COL19A1: variants seen among roughly 807,000 people sequenced by gnomAD.
COL19A1 encodes the protein collagen alpha-1(XIX) chain.
A neutral mutation model predicts 190.2 loss-of-function variants in COL19A1; 159 were observed. That is an observed-to-expected ratio of 0.84 (90% CI 0.73 to 0.95). COL19A1 has a LOEUF of 0.95. Among genes scored for constraint, COL19A1 ranks in the 40% least tolerant of loss-of-function variants. The pLI, the probability that COL19A1 is intolerant of heterozygous loss-of-function variation, is 0.00. For synonymous variants in COL19A1, 509 were observed against 458.9 expected (o/e 1.11, Z -1.39); for missense variants, 1,418 against 1,431.9 (o/e 0.99, Z 0.16).
intron 46 of COL19A1, among the ~76,000 whole-genome samples, chr6:70,186,716 T>C (rs1319380301): frequency 1.3e-5 from 2 of 152,168 alleles, no homozygotes; most frequent in Non-Finnish European, 2.9e-5. Flanking sequence ...ATGATCTCTC[T>C]CTCTCTCTCT....
chr6:69,955,522 A>AGTGTGTGTGT (rs60501043), intron 9 of COL19A1, among the ~76,000 whole-genome samples: 88 of 138,962 alleles, frequency 6.3e-4, no homozygotes, highest in African/African-American at 2.1e-3. Context: ...GCCACAGCAA[A>AGTGTGTGTGT]GTGTGTGTGT....
chr6:69,878,152 A>G (rs1768259294), intron 1 of COL19A1, among the ~76,000 whole-genome samples: 1 of 151,996 alleles, frequency 6.6e-6, no homozygotes, highest in Non-Finnish European at 1.5e-5. Flanking sequence ...TCAAATGCAC[A>G]GTGAGATACC....
At chr6:69,878,341 G>A (rs1440069278) in intron 1 of COL19A1, among the ~76,000 whole-genome samples, 3 of 151,838 alleles carry the variant, frequency 2.0e-5, no homozygotes, top group Non-Finnish European at 4.4e-5. Flanking sequence ...AGCCTTCCGA[G>A]TAGCTGGGAC....
intron 14 of COL19A1, among the ~76,000 whole-genome samples, chr6:70,067,005 C>T (rs746496993): frequency 6.6e-6 from 1 of 151,978 alleles, no homozygotes; most frequent in Non-Finnish European, 1.5e-5. Context: ...AGGCACATAC[C>T]GTGATGAATA....
chr6:70,046,449 C>T (rs1041665999), intron 14 of COL19A1, among the ~76,000 whole-genome samples: 2 of 152,140 alleles, frequency 1.3e-5, no homozygotes, highest in Non-Finnish European at 2.9e-5. Flanking sequence ...CTGACTTCAT[C>T]TCATTTTCTT....
At chr6:70,110,378 G>A (rs1036224618) in intron 16 of COL19A1, among the ~76,000 whole-genome samples, 1 of 152,106 alleles carries the variant, frequency 6.6e-6, no homozygotes. Flanking sequence ...AATATCTTCA[G>A]AGAAAATGAA....
chr6:69,968,025 A>G (rs1775222197), intron 11 of COL19A1, among the ~76,000 whole-genome samples: 1 of 152,198 alleles, frequency 6.6e-6, no homozygotes, highest in African/African-American at 2.4e-5. Flanking sequence ...TTTTATCACC[A>G]GTCAACATCA....
At chr6:69,921,323 A>G (rs1388864169) in intron 4 of COL19A1, among the ~76,000 whole-genome samples, 1 of 131,366 alleles carries the variant, frequency 7.6e-6, no homozygotes, top group African/African-American at 2.9e-5. Flanking sequence ...TCATATAATC[A>G]TATATCATAT....
chr6:69,954,483 C>T (rs1283988194), intron 9 of COL19A1, among the ~76,000 whole-genome samples: 1 of 152,006 alleles, frequency 6.6e-6, no homozygotes. Context: ...CGGAAAAGCA[C>T]CCCAATGCCA....
intron 31 of COL19A1, among the ~76,000 whole-genome samples, chr6:70,153,991 G>C (rs536147097): frequency 5.9e-5 from 9 of 151,886 alleles, no homozygotes; most frequent in Non-Finnish European, 1.2e-4. Context: ...AAGTTCTGGG[G>C]TACATGTGCA....
intron 4 of COL19A1, among the ~76,000 whole-genome samples, chr6:69,921,477 TTC>T (rs1200545866): frequency 0.042 from 1,027 of 24,202 alleles, 53 homozygotes; most frequent in East Asian, 0.15. Context: ...TATTCATATA[TTC>T]ATATATATTC....
chr6:70,083,310 T>C (rs1782387397), intron 15 of COL19A1, among the ~76,000 whole-genome samples: 1 of 152,226 alleles, frequency 6.6e-6, no homozygotes, highest in Non-Finnish European at 1.5e-5. Context: ...ATACACACTT[T>C]AAATAAAGTG....
At chr6:69,961,081 G>A (rs538558699) in intron 10 of COL19A1, among the ~76,000 whole-genome samples, 242 of 152,224 alleles carry the variant, frequency 1.6e-3, no homozygotes, top group African/African-American at 5.3e-3. Flanking sequence ...TAATCCCGCC[G>A]CAGGAGAGAG....
intron 9 of COL19A1, among the ~76,000 whole-genome samples, chr6:69,953,580 C>T (rs1028667375): frequency 5.9e-5 from 9 of 151,846 alleles, no homozygotes; most frequent in African/African-American, 1.9e-4. Flanking sequence ...GAAAAAGAAA[C>T]TTGCTCACTC....
intron 11 of COL19A1, among the ~76,000 whole-genome samples, chr6:69,986,248 TATATAC>T (rs10555930): frequency 0.015 from 2,050 of 132,962 alleles, 42 homozygotes; most frequent in African/African-American, 0.06. Context: ...TATATATATA[TATATAC>T]ACACACACAT....
intron 17 of COL19A1, 46 bp downstream of exon 17, chr6:70,121,988 T>C: frequency 7.9e-7 from 1 of 1,272,030 alleles, no homozygotes; most frequent in African/African-American, 1.5e-5. Context: ...AGAAATTTTA[T>C]ATGATTGTAT....
At chr6:69,950,329 C>A (rs1395707746) in intron 9 of COL19A1, among the ~76,000 whole-genome samples, 1 of 151,774 alleles carries the variant, frequency 6.6e-6, no homozygotes, top group African/African-American at 2.4e-5. Context: ...TAGTTATGTT[C>A]TTTTGTAATT....
chr6:70,190,285 T>C (rs779328783), intron 47 of COL19A1, 30 bp from the exon 48 acceptor site: 2 of 1,549,134 alleles, frequency 1.3e-6, no homozygotes, highest in Non-Finnish European at 1.8e-6. Flanking sequence ...CTATGCTCTA[T>C]TTTAACAACC....
At position 70,161,915 on chromosome 6, in the gene COL19A1, C is replaced by T. The variant is rs1292792236; in HGVS notation, c.2308C>T (p.Pro770Ser). The T allele has an allele frequency of 6.2e-7, 1 of 1,607,626 alleles. No homozygotes were observed. The highest frequency in any genetic ancestry group is 1.7e-5 in the Admixed American group (1 of 58,852). The stretch of plus-strand genomic sequence containing the variant: ...TCTTTTCCAGGGTCTTCAAGGAATT[C>T]CAGGCATTCCAGGTGCTCCAGGCCC... ...EKGDEGLQGI[P>S]GIPGAPGPTG... The change falls in exon 35 of 51, where the codon CCA (proline) becomes TCA (serine). Residue 770 changes from proline to serine, a missense_variant. Pro to Ser is a moderately conservative substitution (Grantham distance 74, BLOSUM62 -1). Coordinates refer to ENST00000620364, the MANE Select transcript of COL19A1 (RefSeq NM_001858.6).
Sources: gnomAD v4.1 joint callset for allele counts (sites outside exome capture counted in the v4.1 genomes callset) on GRCh38, gnomAD v4.1.1 for gene constraint, MANE v1.5 for transcripts, NCBI Gene and HGNC (gene_info 2026-07-23, HGNC 2026-07-21) for gene names.